Variants in JMJD1C observed in about 807,000 individuals in gnomAD.
JMJD1C encodes the protein jumonji domain containing 1C, also known as jumonji domain-containing protein 1C.
JMJD1C carries 31 observed loss-of-function variants against 245.3 expected under a neutral mutation model. The observed-to-expected ratio is 0.13, with a 90% confidence interval of 0.09 to 0.17. JMJD1C has a LOEUF of 0.17. Ranked by LOEUF, JMJD1C falls within the 10% of genes least tolerant of loss-of-function variation. JMJD1C has a pLI of 1.00. For missense variants in JMJD1C, 2,691 were observed against 3,000.2 expected (o/e 0.90, Z 2.41); for synonymous variants, 1,057 against 1,017.4 (o/e 1.04, Z -0.74).
At chr10:63,474,639 C>T (rs1019652111) in intron 1 of JMJD1C, among the ~76,000 whole-genome samples, 2 of 151,758 alleles carry the variant, frequency 1.3e-5, no homozygotes, top group Non-Finnish European at 2.9e-5. Context: ...TTTGTAGAGA[C>T]GACGGTCTCA....
chr10:63,440,114 C>G (rs1180860468), intron 1 of JMJD1C, among the ~76,000 whole-genome samples: 1 of 152,166 alleles, frequency 6.6e-6, no homozygotes, highest in Non-Finnish European at 1.5e-5. Context: ...GTGGGCGGAT[C>G]ACCTGAGGTG....
At chr10:63,435,239 C>T (rs1410061999) in intron 1 of JMJD1C, among the ~76,000 whole-genome samples, 1 of 152,164 alleles carries the variant, frequency 6.6e-6, no homozygotes, top group African/African-American at 2.4e-5. Context: ...ATGTAACACA[C>T]TGCTATTTTA....
chr10:63,264,696 C>T lies in JMJD1C; in HGVS notation c.402G>A (p.Lys134=). 6.3e-7 allele frequency: 1 copy of T among 1,595,954 alleles called. No individual in the cohort carries two copies. The highest frequency in any genetic ancestry group is 1.3e-5 in the African/African-American group (1 of 74,118). ...TATCTTCAGTTAAAAAATCCAGTTG[C>T]TTATCTACAAGGAATTCTACTGCAG... ...SVTAVEFLVD[K]QLDFLTEDSA... Residue 134 remains lysine, a synonymous_variant, in exon 3 of 26, where the codon AAG becomes AAA. Coordinates refer to ENST00000399262, the MANE Select transcript of JMJD1C (RefSeq NM_032776.3).
chr10:63,517,768 G>C (rs1955065886), intron 1 of JMJD1C, among the ~76,000 whole-genome samples: 1 of 145,488 alleles, frequency 6.9e-6, no homozygotes, highest in Admixed American at 6.9e-5. Flanking sequence ...ATACAGTGAA[G>C]TACTTATCTA....
chr10:63,196,970 G>T (rs1193403967), intron 13 of JMJD1C, among the ~76,000 whole-genome samples: 1 of 151,178 alleles, frequency 6.6e-6, no homozygotes, highest in Non-Finnish European at 1.5e-5. Flanking sequence ...CTCATTTTTT[G>T]TATTTTTTTT....
At chr10:63,354,182 G>A (rs1258811652) in intron 2 of JMJD1C, among the ~76,000 whole-genome samples, 5 of 152,118 alleles carry the variant, frequency 3.3e-5, no homozygotes, top group African/African-American at 1.2e-4. Context: ...AACTGCAAAG[G>A]TTAAGTACAA....
chr10:63,191,411 G>T (rs1264832509), intron 16 of JMJD1C, among the ~76,000 whole-genome samples: 1 of 152,196 alleles, frequency 6.6e-6, no homozygotes, highest in Admixed American at 6.5e-5. Flanking sequence ...TGGGATTACA[G>T]GCGTGAGCCA....
At chr10:63,209,005 C>T in intron 9 of JMJD1C, 58 bp downstream of exon 9, 2 of 1,427,398 alleles carry the variant, frequency 1.4e-6, no homozygotes, top group Non-Finnish European at 1.9e-6. Context: ...ATTTAAAAGG[C>T]AAATTAAGAA....
intron 19 of JMJD1C, among the ~76,000 whole-genome samples, 171 bp from the exon 20 acceptor site, chr10:63,185,824 T>C (rs1478554214): frequency 1.3e-5 from 2 of 152,264 alleles, no homozygotes; most frequent in Admixed American, 6.5e-5. Context: ...TTAAAACCTT[T>C]GTTCCTTTTG....
intron 1 of JMJD1C, among the ~76,000 whole-genome samples, chr10:63,480,738 T>A (rs1953806739): frequency 6.6e-6 from 1 of 151,508 alleles, no homozygotes. Flanking sequence ...TTTTGCTACA[T>A]TGCTGTTATA....
intron 3 of JMJD1C, among the ~76,000 whole-genome samples, chr10:63,220,451 A>G (rs931809708): frequency 6.6e-6 from 1 of 152,230 alleles, no homozygotes. Context: ...CCTGATTTAA[A>G]TGTCATCAAA....
chr10:63,188,561 T>G (rs978007637), intron 18 of JMJD1C, among the ~76,000 whole-genome samples: 16 of 152,190 alleles, frequency 1.1e-4, no homozygotes, highest in African/African-American at 3.9e-4. Flanking sequence ...AACAATAAAT[T>G]TAACAGAATA....
At chr10:63,254,813 G>A (rs1013758347) in intron 3 of JMJD1C, among the ~76,000 whole-genome samples, 9 of 151,870 alleles carry the variant, frequency 5.9e-5, no homozygotes, top group Non-Finnish European at 1.3e-4. Flanking sequence ...GCCTCCCAAA[G>A]TGCTGAGATT....
intron 1 of JMJD1C, among the ~76,000 whole-genome samples, chr10:63,392,309 G>A (rs909281179): frequency 1.3e-5 from 2 of 152,058 alleles, no homozygotes; most frequent in African/African-American, 4.8e-5. Flanking sequence ...ACAGATTTAT[G>A]CAAAGATTTT....
In JMJD1C at chr10:63,170,624, T is replaced by G. The variant is rs376283263; in HGVS notation, c.7402-2058A>C. ...TTGCTGTTGTAAGTTTTCAATTAGA[T>G]TCCAGAGTTCTGAAAAAGTTCATTC... On this transcript the variant is annotated intron_variant, in intron 24 of 25. Transcript: ENST00000399262. Among the ~76,000 whole-genome samples, 10 of 152,338 alleles carry G rather than the reference T, an allele frequency of 6.6e-5. 1 individual carries two copies. The highest frequency in any genetic ancestry group is 2.4e-4 in the African/African-American group (10 of 41,580).
At chr10:63,340,303 C>G (rs1943250496) in intron 2 of JMJD1C, among the ~76,000 whole-genome samples, 1 of 152,204 alleles carries the variant, frequency 6.6e-6, no homozygotes, top group African/African-American at 2.4e-5. Flanking sequence ...CAGATTACCC[C>G]ACACATGTGT....
Position 63,326,698 on chromosome 10 carries a change from G to A in JMJD1C, c.333+53620C>T, listed in dbSNP as rs1031034595. ...AGTTCGAGACCAGCCTGACCAACATGGCGAAACCTGGTCTCTACTAAAAAT... is the reference window on the plus strand; with the variant it reads ...AGTTCGAGACCAGCCTGACCAACATAGCGAAACCTGGTCTCTACTAAAAAT... On this transcript the variant is annotated intron_variant, in intron 2 of 25. Coordinates refer to ENST00000399262, the MANE Select transcript of JMJD1C (RefSeq NM_032776.3). Among the ~76,000 whole-genome samples the A allele has an allele frequency of 6.3e-4, 96 of 152,060 alleles. 1 individual carries two copies. The highest frequency in any genetic ancestry group is 2.2e-4 in the Non-Finnish European group (15 of 68,016).
At chr10:63,264,258 TA>T (rs2133778349) in intron 3 of JMJD1C, among the ~76,000 whole-genome samples, 1 of 152,216 alleles carries the variant, frequency 6.6e-6, no homozygotes, top group East Asian at 1.9e-4. Flanking sequence ...ACTATTATGC[TA>T]AACTGATAGG....
At chr10:63,212,467 T>C (rs1589161704) in intron 8 of JMJD1C, among the ~76,000 whole-genome samples, 1 of 152,178 alleles carries the variant, frequency 6.6e-6, no homozygotes, top group Non-Finnish European at 1.5e-5. Context: ...GGGGCTAGTA[T>C]TGCTCTCAAT....
Sources: allele counts gnomAD v4.1 joint callset (sites outside exome capture counted in the v4.1 genomes callset), GRCh38; gene constraint gnomAD v4.1.1; transcripts MANE v1.5; gene names NCBI Gene and HGNC (gene_info 2026-07-23, HGNC 2026-07-21).